Variants in PTK7 observed in about 807,000 individuals in gnomAD.
The protein encoded by PTK7 is protein tyrosine kinase 7 (inactive).
In PTK7, 39 loss-of-function variants were observed where a neutral mutation model predicts 116.6. The ratio of observed to expected loss-of-function variants is 0.33; its 90% CI spans 0.26 to 0.44. PTK7 has a LOEUF of 0.44. Among genes scored for constraint, PTK7 ranks in the 20% least tolerant of loss-of-function variants. The pLI is 1.00. For missense variants in PTK7, 1,169 were observed against 1,425.6 expected (o/e 0.82, Z 2.90); for synonymous variants, 546 against 563.6 (o/e 0.97, Z 0.44).
chr6:43,160,661 A>G, intron 19 of PTK7, 60 bp from the exon 20 acceptor site: 1 of 1,590,650 alleles, frequency 6.3e-7, no homozygotes, highest in Non-Finnish European at 8.6e-7. Context: ...AAGGTCCACA[A>G]AGTGTTGAAC....
chr6:43,151,515 GTTTT>G (rs1771083513), intron 17 of PTK7, among the ~76,000 whole-genome samples: 1 of 115,970 alleles, frequency 8.6e-6, no homozygotes, highest in South Asian at 2.9e-4. Flanking sequence ...CCCAAGCCCC[GTTTT>G]TTTGTTTGTT....
chr6:43,147,472 A>T (rs1436127243), intron 17 of PTK7, among the ~76,000 whole-genome samples: 2 of 152,154 alleles, frequency 1.3e-5, no homozygotes, highest in African/African-American at 4.8e-5. Flanking sequence ...ACTTCCTTCC[A>T]TGTGACTGGA....
chr6:43,111,530 A>G (rs1768191707), intron 1 of PTK7, among the ~76,000 whole-genome samples: 1 of 152,242 alleles, frequency 6.6e-6, no homozygotes, highest in Non-Finnish European at 1.5e-5. Flanking sequence ...AATGATGACA[A>G]TAAATAATGG....
intron 1 of PTK7, among the ~76,000 whole-genome samples, chr6:43,122,963 G>A (rs1454357469): frequency 1.3e-5 from 2 of 152,060 alleles, no homozygotes; most frequent in African/African-American, 4.8e-5. Context: ...CATATGTGTG[G>A]CTGATTGACT....
At chr6:43,077,948 C>G (rs192797560) in intron 1 of PTK7, among the ~76,000 whole-genome samples, 5 of 152,196 alleles carry the variant, frequency 3.3e-5, no homozygotes, top group African/African-American at 1.2e-4. Context: ...GGTTATTGCT[C>G]GTGGCAGAAT....
chr6:43,115,010 C>G (rs1314170569), intron 1 of PTK7, among the ~76,000 whole-genome samples: 1 of 151,440 alleles, frequency 6.6e-6, no homozygotes, highest in Non-Finnish European at 1.5e-5. Context: ...CCATTGCACT[C>G]CAGCCTGGGC....
intron 1 of PTK7, among the ~76,000 whole-genome samples, chr6:43,121,784 G>T (rs565567843): frequency 5.3e-5 from 8 of 152,186 alleles, no homozygotes; most frequent in Non-Finnish European, 1.2e-4. Flanking sequence ...AAAGGGAGAT[G>T]ACTGGACTTA....
intron 1 of PTK7, among the ~76,000 whole-genome samples, chr6:43,113,567 C>T (rs1431241507): frequency 6.6e-6 from 1 of 152,142 alleles, no homozygotes; most frequent in African/African-American, 2.4e-5. Flanking sequence ...ATGTGCCTGC[C>T]TTTGGGATCT....
In PTK7 at chr6:43,086,346, C is replaced by T. The variant is rs184009205; in HGVS notation, c.79+9779C>T. ...TGTGTGGCCAAGGGCAGTGGGCTCT[C>T]CCTGGGGGTGGTTATGGGGGCCCGC... On this transcript the variant is annotated intron_variant, in intron 1 of 19. Coordinates refer to ENST00000230419, the MANE Select transcript of PTK7 (RefSeq NM_002821.5). 8.5e-5 allele frequency among the ~76,000 whole-genome samples: 13 copies of T among 152,088 alleles called. No individual in the cohort carries two copies. In the East Asian group the frequency reaches 2.5e-3, roughly 29 times the overall value.
chr6:43,128,630 C>A (rs570518287), intron 1 of PTK7, among the ~76,000 whole-genome samples: 2 of 152,246 alleles, frequency 1.3e-5, no homozygotes, highest in Non-Finnish European at 2.9e-5. Context: ...ACTAAAAATA[C>A]AAAAATTAGC....
intron 1 of PTK7, among the ~76,000 whole-genome samples, chr6:43,088,971 C>T (rs906050090): frequency 1.3e-5 from 2 of 152,116 alleles, no homozygotes; most frequent in African/African-American, 4.8e-5. Flanking sequence ...ATAGAGTCAT[C>T]CCCATAGTGG....
At chr6:43,134,284 C>G (rs1697978893) in intron 7 of PTK7, among the ~76,000 whole-genome samples, 1 of 152,078 alleles carries the variant, frequency 6.6e-6, no homozygotes, top group African/African-American at 2.4e-5. Context: ...AGTGATCCAC[C>G]TGCCTCGGCC....
chr6:43,132,378 AC>A (rs751703679), intron 6 of PTK7, 42 bp from the exon 7 acceptor site: 9 of 1,538,566 alleles, frequency 5.8e-6, no homozygotes, highest in Non-Finnish European at 7.9e-6. Context: ...GTACCCTGAG[AC>A]CCACAATAAT....
At chr6:43,080,108 T>C (rs1766291836) in intron 1 of PTK7, among the ~76,000 whole-genome samples, 1 of 149,280 alleles carries the variant, frequency 6.7e-6, no homozygotes, top group African/African-American at 2.5e-5. Context: ...ATCCCAGCAC[T>C]TTGGGAGGCT....
At chr6:43,089,166 G>A (rs924406360) in intron 1 of PTK7, among the ~76,000 whole-genome samples, 23 of 152,122 alleles carry the variant, frequency 1.5e-4, no homozygotes, top group African/African-American at 5.3e-4. Context: ...TTGACATTCC[G>A]GGTGATGCCA....
chr6:43,079,115 G>A (rs963068173), intron 1 of PTK7, among the ~76,000 whole-genome samples: 8 of 152,302 alleles, frequency 5.3e-5, no homozygotes, highest in Middle Eastern at 3.4e-3. Flanking sequence ...TGGAGATAAA[G>A]TATGGTCCTT....
Position 43,143,185 on chromosome 6 carries a change from G to T in PTK7, c.2048-232G>T. 1 of 503,972 alleles carries T rather than the reference G, an allele frequency of 2.0e-6. No homozygotes were observed. The highest frequency in any genetic ancestry group is 3.5e-6 in the Non-Finnish European group (1 of 282,702). The allele number at this position is 503,972 out of a possible 1,614,324, so 31.2% of individuals were successfully genotyped here. On this transcript the variant is annotated intron_variant, in intron 13 of 19. Transcript: ENST00000230419. This position sits in a 1 kb window ranked among gnomAD's most constrained non-coding sequence, Gnocchi z 4.2. ...GTGCTTATCCGTGTCGCCTGTCTTG[G>T]CTTCCGATGCAAAGCCAGCTTGGGA...
chr6:43,160,613 C>T (rs1771792162), intron 19 of PTK7, 108 bp from the exon 20 acceptor site: 3 of 1,422,462 alleles, frequency 2.1e-6, no homozygotes, highest in Admixed American at 1.8e-5. Context: ...CCAGCATTGC[C>T]CCAGAGGCAT....
At chr6:43,103,611 A>C (rs898237621) in intron 1 of PTK7, among the ~76,000 whole-genome samples, 2 of 152,170 alleles carry the variant, frequency 1.3e-5, no homozygotes, top group Admixed American at 1.3e-4. Context: ...AAGGAGGTGG[A>C]GTGAGGCTGG....
Sources: gnomAD v4.1 joint callset for allele counts (sites outside exome capture counted in the v4.1 genomes callset) on GRCh38, gnomAD v4.1.1 for gene constraint, Gnocchi (gnomAD v3.1) non-coding constraint, MANE v1.5 for transcripts, NCBI Gene and HGNC (gene_info 2026-07-23, HGNC 2026-07-21) for gene names.